GRIA1: variants seen among roughly 807,000 people sequenced by gnomAD.
GRIA1 encodes the protein glutamate receptor 1.
Under a neutral mutation model 99.2 loss-of-function variants are expected in GRIA1, and 31 were observed. That is an observed-to-expected ratio of 0.31 (90% CI 0.23 to 0.42). GRIA1 has a LOEUF of 0.42. Ranked by LOEUF, GRIA1 falls within the 10% of genes least tolerant of loss-of-function variation. GRIA1 has a pLI of 1.00. For synonymous variants in GRIA1, 438 were observed against 432.4 expected, an observed-to-expected ratio of 1.01 and a Z score of -0.16; for missense variants, 782 against 1,157.5, an observed-to-expected ratio of 0.68 and a Z score of 4.71.
chr5:153,567,511 C>T (rs926932827), intron 2 of GRIA1, among the ~76,000 whole-genome samples: 1 of 152,184 alleles, frequency 6.6e-6, no homozygotes, highest in African/African-American at 2.4e-5. Context: ...GTAAGGATAT[C>T]TGTAGCAGGA....
chr5:153,593,425 A>G (rs1173764855), intron 2 of GRIA1, among the ~76,000 whole-genome samples: 3 of 152,146 alleles, frequency 2.0e-5, no homozygotes, highest in Non-Finnish European at 2.9e-5. Flanking sequence ...AATTTTAGAT[A>G]TTAGTTTTTG....
Position 153,625,106 on chromosome 5 carries a change from A to ATT in GRIA1, c.221-21813_221-21812dup, listed in dbSNP as rs147404800. Among the ~76,000 whole-genome samples the ATT allele has an allele frequency of 4.4e-4, 65 of 149,022 alleles. 1 individual carries two copies. The highest frequency in any genetic ancestry group is 1.5e-3 in the South Asian group (7 of 4,672). On this transcript the variant is annotated intron_variant, in intron 2 of 15. Coordinates refer to ENST00000285900, the MANE Select transcript of GRIA1 (RefSeq NM_000827.4). ...GAATATAAGTCCCTAGTACATCTCT[A>ATT]TTTTTTTTTTAGCAATATTGCTGCT...
At chr5:153,491,343 A>G (rs1322209485) in intron 1 of GRIA1, 177 of 1,126,888 alleles carry the variant, frequency 1.6e-4, no homozygotes, top group Non-Finnish European at 1.9e-4. Context: ...GTAAGTATGT[A>G]TGGTGTGTGT....
At chr5:153,611,019 G>A (rs1765940001) in intron 2 of GRIA1, among the ~76,000 whole-genome samples, 2 of 152,048 alleles carry the variant, frequency 1.3e-5, no homozygotes, top group Admixed American at 1.3e-4. Flanking sequence ...GTTGGATATG[G>A]GGATTTCCAA....
intron 14 of GRIA1, among the ~76,000 whole-genome samples, chr5:153,800,365 C>T (rs1339211367): frequency 6.6e-6 from 1 of 152,210 alleles, no homozygotes; most frequent in Non-Finnish European, 1.5e-5. Context: ...TACATGCCTT[C>T]TGAACAACAA....
intron 8 of GRIA1, among the ~76,000 whole-genome samples, chr5:153,689,558 G>A (rs1757586531): frequency 1.3e-5 from 2 of 152,158 alleles, no homozygotes; most frequent in Admixed American, 1.3e-4. Flanking sequence ...GGTATATTGG[G>A]GTTATACTGA....
chr5:153,698,091 T>A lies in GRIA1; in HGVS notation c.1182T>A (p.Asp394Glu). The A allele has an allele frequency of 6.2e-7, 1 of 1,612,118 alleles. No individual in the cohort carries two copies. Among genetic ancestry groups the A allele is most frequent in the Non-Finnish European group, 8.5e-7 (1 of 1,178,170 alleles). ...ATAAGTTTGTCCCTGCAGCCACCGATGCCCAAGCTGGGGGCGATAATTCAA... is the reference window on the plus strand; with the variant it reads ...ATAAGTTTGTCCCTGCAGCCACCGAAGCCCAAGCTGGGGGCGATAATTCAA... ...EDDKFVPAAT[D>E]AQAGGDNSSV... is the part of the protein sequence containing the mutation. The change falls in exon 9 of 16, where the codon GAT (aspartate) becomes GAA (glutamate). Residue 394 changes from aspartate (D) to glutamate (E), a missense_variant. Physicochemically the swap from Asp to Glu is conservative, Grantham distance 45. Transcript: ENST00000285900.
chr5:153,497,960 G>A (rs781193596), intron 2 of GRIA1, among the ~76,000 whole-genome samples: 14 of 152,262 alleles, frequency 9.2e-5, no homozygotes, highest in Non-Finnish European at 1.8e-4. Context: ...TCTCTAGGAG[G>A]TGGTGATTGA....
chr5:153,674,357 C>A, intron 5 of GRIA1, 143 bp from the exon 6 acceptor site: 1 of 898,816 alleles, frequency 1.1e-6, no homozygotes, highest in Non-Finnish European at 1.8e-6. Context: ...TAATCAAGTT[C>A]AAAGGAAAGG....
At chr5:153,638,993 GA>G (rs1303633805) in intron 2 of GRIA1, among the ~76,000 whole-genome samples, 1 of 152,334 alleles carries the variant, frequency 6.6e-6, no homozygotes, top group African/African-American at 2.4e-5. Context: ...TGTAGGCCCA[GA>G]GCCTACGGCC....
At chr5:153,785,804 A>C (rs1466386) in intron 13 of GRIA1, among the ~76,000 whole-genome samples, 1 of 152,016 alleles carries the variant, frequency 6.6e-6, no homozygotes, top group Non-Finnish European at 1.5e-5. Context: ...CATCCCAACA[A>C]ATCATACTTT....
intron 2 of GRIA1, among the ~76,000 whole-genome samples, chr5:153,624,809 C>G (rs1327668795): frequency 6.6e-6 from 1 of 152,222 alleles, no homozygotes; most frequent in Non-Finnish European, 1.5e-5. Flanking sequence ...AAACATGCAT[C>G]TTTAGTATCT....
At chr5:153,601,084 C>A (rs570929730) in intron 2 of GRIA1, among the ~76,000 whole-genome samples, 1 of 152,184 alleles carries the variant, frequency 6.6e-6, no homozygotes, top group Non-Finnish European at 1.5e-5. Context: ...TTCATTCATT[C>A]GCTGGATGAA....
intron 8 of GRIA1, among the ~76,000 whole-genome samples, chr5:153,688,844 C>T (rs770362197): frequency 1.3e-5 from 2 of 151,904 alleles, no homozygotes; most frequent in Non-Finnish European, 2.9e-5. Context: ...CTCAGCCTCC[C>T]GAGTGGTTGG....
chr5:153,615,027 A>G lies in GRIA1; in HGVS notation c.221-31901A>G, dbSNP rs568053132. On this transcript the variant is annotated intron_variant, in intron 2 of 15. Transcript: ENST00000285900. Reference sequence around the variant, plus strand: ...CTTATGCTATGGATAACATTTTCCAAATGTGATTTTAAAGTATGAGTAATC... The same window carrying G: ...CTTATGCTATGGATAACATTTTCCAGATGTGATTTTAAAGTATGAGTAATC... Among the ~76,000 whole-genome samples, 5 of 152,338 alleles carry G rather than the reference A, an allele frequency of 3.3e-5. No homozygotes were observed. The East Asian group carries it at 9.7e-4, about 29-fold the overall frequency.
At chr5:153,712,161 C>T (rs961421396) in intron 11 of GRIA1, among the ~76,000 whole-genome samples, 6 of 152,204 alleles carry the variant, frequency 3.9e-5, no homozygotes, top group Non-Finnish European at 7.3e-5. Context: ...AAGCAATTCT[C>T]ATGCCTCAGC....
intron 2 of GRIA1, among the ~76,000 whole-genome samples, chr5:153,629,544 C>G (rs1327271257): frequency 6.6e-6 from 1 of 152,240 alleles, no homozygotes; most frequent in East Asian, 1.9e-4. Flanking sequence ...CAGGACAACT[C>G]TAGCTGTGCA....
At chr5:153,668,673 T>G (rs543339167) in intron 5 of GRIA1, among the ~76,000 whole-genome samples, 1 of 152,188 alleles carries the variant, frequency 6.6e-6, no homozygotes, top group East Asian at 1.9e-4. Context: ...ACCCCTTGCA[T>G]AGATGTGGAA....
intron 11 of GRIA1, among the ~76,000 whole-genome samples, chr5:153,732,899 C>T (rs1349210077): frequency 2.0e-5 from 3 of 148,426 alleles, no homozygotes; most frequent in Admixed American, 6.7e-5. Context: ...ATTTTTTGTG[C>T]GTAGTACAAA....
Sources: allele counts gnomAD v4.1 joint callset (sites outside exome capture counted in the v4.1 genomes callset), GRCh38; gene constraint gnomAD v4.1.1; transcripts MANE v1.5; gene names NCBI Gene and HGNC (gene_info 2026-07-23, HGNC 2026-07-21).